GABPA: variants seen among roughly 807,000 people sequenced by gnomAD.
GABPA encodes the protein GA binding protein transcription factor subunit alpha, also known as GA-binding protein alpha chain.
Under a neutral mutation model 59.4 loss-of-function variants are expected in GABPA, and 4 were observed. That is an observed-to-expected ratio of 0.07 (90% confidence interval 0.03 to 0.15). The LOEUF (loss-of-function observed/expected upper bound fraction) is 0.15, where lower values mean the gene tolerates loss of function less well. Ranked by LOEUF, GABPA falls within the 10% of genes least tolerant of loss-of-function variation. GABPA has a pLI of 1.00. For missense variants in GABPA, 251 were observed against 543.8 expected (o/e 0.46, Z 5.36); for synonymous variants, 164 against 183.1 (o/e 0.90, Z 0.84).
chr21:25,745,838 A>G (rs560654417), intron 3 of GABPA, among the ~76,000 whole-genome samples: 2 of 152,296 alleles, frequency 1.3e-5, no homozygotes, highest in African/African-American at 2.4e-5. Context: ...GATTTTACCC[A>G]TGGTAGTAGT....
At chr21:25,750,502 A>G (rs1258917204) in intron 4 of GABPA, among the ~76,000 whole-genome samples, 1 of 152,264 alleles carries the variant, frequency 6.6e-6, no homozygotes, top group Non-Finnish European at 1.5e-5. Context: ...ACATAGAGTC[A>G]TCCAGTCAAC....
chr21:25,747,411 A>G (rs894103220), intron 3 of GABPA, among the ~76,000 whole-genome samples: 1 of 152,220 alleles, frequency 6.6e-6, no homozygotes, highest in African/African-American at 2.4e-5. Context: ...TCAGAAAATA[A>G]TAGTTGGATA....
intron 3 of GABPA, 111 bp from the exon 4 acceptor site, chr21:25,748,925 A>G (rs985131632): frequency 2.9e-6 from 2 of 690,812 alleles, no homozygotes; most frequent in East Asian, 2.7e-5. Context: ...TTTAATTAGT[A>G]TGTTCAGTAA....
intron 6 of GABPA, among the ~76,000 whole-genome samples, chr21:25,760,525 T>G (rs1224777468): frequency 6.6e-6 from 1 of 151,984 alleles, no homozygotes; most frequent in African/African-American, 2.4e-5. Context: ...CCCCCCTATG[T>G]TGAAACTACA....
intron 1 of GABPA, among the ~76,000 whole-genome samples, chr21:25,739,740 A>G (rs1240228248): frequency 2.0e-5 from 3 of 152,158 alleles, no homozygotes; most frequent in African/African-American, 7.2e-5. Flanking sequence ...TCAGCCTCCC[A>G]AGTAGCTAGG....
Position 25,764,602 on chromosome 21 carries a change from T to C in GABPA, c.951T>C (p.Asn317=), listed in dbSNP as rs771872818. 3.6e-5 allele frequency: 58 copies of C among 1,611,130 alleles called. No homozygotes were observed. Among genetic ancestry groups the C allele is most frequent in the Non-Finnish European group, 4.8e-5 (57 of 1,178,350 alleles). Residue 317 remains asparagine, a synonymous_variant, in exon 9 of 10, where the codon AAT becomes AAC. Transcript: ENST00000400075. Reference sequence around the variant, plus strand: ...TTCCTCTTACCAATTTAGGAAACAATGGCCAAATCCAACTATGGCAGTTTT... The same window carrying C: ...TTCCTCTTACCAATTTAGGAAACAACGGCCAAATCCAACTATGGCAGTTTT... ...RSSPGNRTGN[N]GQIQLWQFLL...
At chr21:25,767,254 T>A (rs1355544982) in intron 9 of GABPA, among the ~76,000 whole-genome samples, 1 of 151,992 alleles carries the variant, frequency 6.6e-6, no homozygotes, top group East Asian at 1.9e-4. Context: ...ACCTGAGTGA[T>A]ACTTAACAGG....
chr21:25,736,950 C>CA (rs1215579235), intron 1 of GABPA, among the ~76,000 whole-genome samples: 1 of 152,160 alleles, frequency 6.6e-6, no homozygotes, highest in African/African-American at 2.4e-5. Context: ...CAGGTACCCC[C>CA]ACACTCCACT....
Position 25,751,966 on chromosome 21 carries a change from A to G in GABPA, c.308-23A>G, listed in dbSNP as rs1397923442. 82 of 1,590,552 alleles carry G rather than the reference A, an allele frequency of 5.2e-5. 2 individuals are homozygous for G. In the South Asian group the frequency reaches 7.6e-4, roughly 15 times the overall value. On this transcript the variant is annotated intron_variant, in intron 4 of 9. Transcript: ENST00000400075. The stretch of plus-strand genomic sequence containing the variant: ...TTCTGCGTTTTCATTTAGATTTACA[A>G]TTTTTTTTTATCCACTGTTCAGGAA...
At chr21:25,768,511 A>G (rs2035944569) in intron 9 of GABPA, among the ~76,000 whole-genome samples, 1 of 152,102 alleles carries the variant, frequency 6.6e-6, no homozygotes, top group African/African-American at 2.4e-5. Flanking sequence ...GTCATTGTAT[A>G]CTAAGCACTT....
At chr21:25,762,449 TAA>T (rs1246714456) in intron 7 of GABPA, 84 bp downstream of exon 7, 1 of 1,035,708 alleles carries the variant, frequency 9.7e-7, no homozygotes, top group South Asian at 1.6e-5. Context: ...GAAAATTATT[TAA>T]AAAAATTTTT....
chr21:25,745,064 G>T, intron 2 of GABPA, 146 bp from the exon 3 acceptor site: 1 of 762,464 alleles, frequency 1.3e-6, no homozygotes, highest in South Asian at 1.8e-5. Flanking sequence ...ACTAGTTGGT[G>T]ATGAGCCTGC....
intron 2 of GABPA, 142 bp downstream of exon 2, chr21:25,741,817 C>T (rs2035229199): frequency 1.8e-6 from 1 of 553,936 alleles, no homozygotes; most frequent in Non-Finnish European, 3.2e-6. Context: ...TTTATTTCCT[C>T]TGACTTAATG....
At chr21:25,763,384 A>C (rs765471026) in intron 7 of GABPA, 1 of 208,236 alleles carries the variant, frequency 4.8e-6, no homozygotes, top group Non-Finnish European at 9.8e-6. Flanking sequence ...CCAACCGGCT[A>C]AAATTTTTAA....
chr21:25,759,583 G>A (rs1381815369), intron 6 of GABPA, among the ~76,000 whole-genome samples: 3 of 152,192 alleles, frequency 2.0e-5, no homozygotes, highest in Non-Finnish European at 2.9e-5. Flanking sequence ...TTATTCTTGT[G>A]AGGATTCTCC....
At chr21:25,735,974 A>G (rs1035877582) in intron 1 of GABPA, among the ~76,000 whole-genome samples, 3 of 152,194 alleles carry the variant, frequency 2.0e-5, no homozygotes, top group Admixed American at 6.6e-5. Context: ...AGCAAAATGC[A>G]GACCCTGTCT....
At chr21:25,736,990 G>A (rs1029955779) in intron 1 of GABPA, among the ~76,000 whole-genome samples, 2 of 152,182 alleles carry the variant, frequency 1.3e-5, no homozygotes, top group African/African-American at 4.8e-5. Context: ...AATGTTCTAA[G>A]CTCTGTAATA....
At chr21:25,759,902 C>T (rs2035726095) in intron 6 of GABPA, among the ~76,000 whole-genome samples, 1 of 152,112 alleles carries the variant, frequency 6.6e-6, no homozygotes, top group Admixed American at 6.5e-5. Context: ...CCAGTCTTTC[C>T]CAGGTCAGCT....
Position 25,762,332 on chromosome 21 carries a change from C to A in GABPA, c.769C>A (p.Gln257Lys). The stretch of plus-strand genomic sequence containing the variant: ...TTCAGATGTATTGGCAAGTCAAGAA[C>A]AACAGATGAATGAAATAGTTACAAT... ...LRKYVLASQE[Q>K]QMNEIVTIDQ... is the part of the protein sequence containing the mutation. The change falls in exon 7 of 10, where the codon CAA becomes AAA. Residue 257 changes from glutamine to lysine, a missense_variant. By Grantham distance (53) the Gln-to-Lys change is moderately conservative. This residue lies in a region of GABPA where 207 missense variants were observed against 366.7 expected (regional missense o/e 0.56). Coordinates refer to ENST00000400075, the MANE Select transcript of GABPA (RefSeq NM_002040.4). 1 of 1,573,768 alleles carries A rather than the reference C, an allele frequency of 6.4e-7. No individual in the cohort carries two copies. The highest frequency in any genetic ancestry group is 8.6e-7 in the Non-Finnish European group (1 of 1,161,216).
Sources: gnomAD v4.1 joint callset for allele counts (sites outside exome capture counted in the v4.1 genomes callset) on GRCh38, gnomAD v4.1.1 for gene constraint, gnomAD v4.1.1 regional missense constraint, MANE v1.5 for transcripts, NCBI Gene and HGNC (gene_info 2026-07-23, HGNC 2026-07-21) for gene names.